Variants in COL15A1 observed in about 807,000 individuals in gnomAD.
COL15A1 encodes the protein collagen alpha-1(XV) chain.
In COL15A1, 111 loss-of-function variants were observed where a neutral mutation model predicts 165.9. The ratio of observed to expected loss-of-function variants is 0.67; its 90% CI spans 0.57 to 0.78. The LOEUF is 0.78. Ranked by LOEUF, COL15A1 falls within the 30% of genes least tolerant of loss-of-function variation. The probability of loss-of-function intolerance (pLI) is 0.00; values close to 1 mark genes in which losing one functional copy is unlikely to be tolerated. For missense variants in COL15A1, 1,745 were observed against 1,789.7 expected (o/e 0.98, Z 0.45); for synonymous variants, 659 against 674.8 (o/e 0.98, Z 0.36).
intron 16 of COL15A1, among the ~76,000 whole-genome samples, chr9:99,033,451 A>G (rs927100423): frequency 6.6e-6 from 1 of 152,200 alleles, no homozygotes; most frequent in East Asian, 1.9e-4. Flanking sequence ...ATTTCAACCT[A>G]TCTACCTTCT....
At chr9:98,953,323 C>G (rs535961758) in intron 2 of COL15A1, among the ~76,000 whole-genome samples, 1 of 152,130 alleles carries the variant, frequency 6.6e-6, no homozygotes, top group Admixed American at 6.5e-5. Flanking sequence ...GAGGAAAAGT[C>G]TAGGGTTAGA....
chr9:99,070,040 C>T lies in COL15A1; in HGVS notation c.*154C>T, dbSNP rs114763308. ...CAACCAAAGAAAACATACCTCAATACACTCAAAACTGAAGACATAGAGGAC... is the reference window on the plus strand; with the variant it reads ...CAACCAAAGAAAACATACCTCAATATACTCAAAACTGAAGACATAGAGGAC... On this transcript the variant is annotated 3_prime_UTR_variant, in exon 42 of 42. Coordinates refer to ENST00000375001, the MANE Select transcript of COL15A1 (RefSeq NM_001855.5). 335 of 623,514 alleles carry T rather than the reference C, an allele frequency of 5.4e-4. 1 individual carries two copies. Among genetic ancestry groups the T allele is most frequent in the African/African-American group, 4.7e-3 (252 of 53,596 alleles). The allele number at this position is 623,514 out of a possible 1,614,324, so 38.6% of individuals were successfully genotyped here. A position where few individuals can be genotyped will look rare whatever the true frequency, so the allele number is the denominator to read the frequency against.
chr9:98,996,302 C>T (rs1362402440), intron 5 of COL15A1, among the ~76,000 whole-genome samples: 2 of 152,206 alleles, frequency 1.3e-5, no homozygotes, highest in Non-Finnish European at 2.9e-5. Flanking sequence ...GTCCCGCGAG[C>T]TGCTGCTTGG....
chr9:99,052,552 A>AGG, intron 31 of COL15A1, 119 bp downstream of exon 31: 1 of 835,016 alleles, frequency 1.2e-6, no homozygotes, highest in Non-Finnish European at 2.1e-6. Context: ...TGGATGCTGT[A>AGG]GGGGTGGGGA....
intron 16 of COL15A1, among the ~76,000 whole-genome samples, chr9:99,033,147 G>T (rs1324548560): frequency 2.0e-5 from 3 of 152,204 alleles, no homozygotes; most frequent in African/African-American, 7.2e-5. Flanking sequence ...CTCTGTTGGT[G>T]CAGACTGTTG....
rs780742930 is a variant in COL15A1, at chr9:98,985,593, C to T, written c.129C>T (p.Leu43=). The T allele has an allele frequency of 6.2e-7, 1 of 1,613,986 alleles. No individual in the cohort carries two copies. Among genetic ancestry groups the T allele is most frequent in the Non-Finnish European group, 8.5e-7 (1 of 1,179,834 alleles). Residue 43 remains leucine (L), a synonymous_variant, in exon 3 of 42, where the codon CTC becomes CTT. Coordinates refer to ENST00000375001, the MANE Select transcript of COL15A1 (RefSeq NM_001855.5). The part of the protein sequence containing the change: ...TETASQGHLD[L]TQLIGVPLPS... ...CTGCTTCCCAGGGTCACCTGGACCT[C>T]ACGCAGCTCATCGGTGTCCCGCTGC... is the stretch of plus-strand genomic sequence containing the variant.
intron 32 of COL15A1, 112 bp from the exon 33 acceptor site, chr9:99,054,990 C>T (rs575709859): frequency 1.1e-6 from 1 of 926,632 alleles, no homozygotes; most frequent in Admixed American, 1.7e-5. Context: ...GTTAGCCAAC[C>T]CAGTGCAGGC....
chr9:99,000,122 C>A (rs763999444), intron 6 of COL15A1, among the ~76,000 whole-genome samples: 1 of 152,066 alleles, frequency 6.6e-6, no homozygotes, highest in Non-Finnish European at 1.5e-5. Flanking sequence ...CTGCCCACCT[C>A]GGCCTCCCAA....
Position 99,052,378 on chromosome 9 carries a change from C to A in COL15A1, c.2905-10C>A. The A allele has an allele frequency of 6.2e-7, 1 of 1,609,808 alleles. No individual in the cohort carries two copies. Among genetic ancestry groups the A allele is most frequent in the Non-Finnish European group, 8.5e-7 (1 of 1,176,000 alleles). ...TTGCAGTGCCTAACCTGGCCTTCCT[C>A]TCTTTCCAGGTTGATACTGCTCATC... On this transcript the variant is annotated splice_polypyrimidine_tract_variant and intron_variant, in intron 30 of 41. Coordinates refer to ENST00000375001, the MANE Select transcript of COL15A1 (RefSeq NM_001855.5).
intron 16 of COL15A1, among the ~76,000 whole-genome samples, chr9:99,029,152 AGTT>A (rs966689683): frequency 1.3e-5 from 2 of 152,222 alleles, no homozygotes; most frequent in African/African-American, 4.8e-5. Flanking sequence ...TAGTATTAAC[AGTT>A]GTTGTTGATT....
At chr9:99,033,562 C>A (rs1564071452) in intron 16 of COL15A1, among the ~76,000 whole-genome samples, 1 of 152,230 alleles carries the variant, frequency 6.6e-6, no homozygotes. Flanking sequence ...CTGTCTTCAA[C>A]TTCCCTGTTT....
chr9:98,962,696 T>C (rs2118804942), intron 2 of COL15A1, among the ~76,000 whole-genome samples: 1 of 152,268 alleles, frequency 6.6e-6, no homozygotes, highest in Non-Finnish European at 1.5e-5. Context: ...AGATTTGAGG[T>C]CCCCAACTTG....
chr9:99,023,583 G>A (rs759185712), intron 14 of COL15A1, 134 bp downstream of exon 14: 10 of 568,452 alleles, frequency 1.8e-5, no homozygotes, highest in African/African-American at 5.6e-5. Context: ...AGCTCATGGG[G>A]GTTCATTCTA....
At chr9:98,980,589 T>A (rs1838221566) in intron 2 of COL15A1, among the ~76,000 whole-genome samples, 1 of 152,210 alleles carries the variant, frequency 6.6e-6, no homozygotes, top group Non-Finnish European at 1.5e-5. Flanking sequence ...AGAGGGCCTC[T>A]TGAGCCAGGT....
chr9:98,965,428 T>A (rs929172299), intron 2 of COL15A1, among the ~76,000 whole-genome samples: 13 of 152,164 alleles, frequency 8.5e-5, no homozygotes, highest in African/African-American at 3.1e-4. Flanking sequence ...ATAGCCACAG[T>A]CCCCACCCCA....
At chr9:99,015,302 A>C (rs1838910378) in intron 9 of COL15A1, 115 bp from the exon 10 acceptor site, 1 of 718,444 alleles carries the variant, frequency 1.4e-6, no homozygotes, top group Non-Finnish European at 2.5e-6. Flanking sequence ...AGGAAAGGGA[A>C]TCATGGAGCC....
intron 2 of COL15A1, among the ~76,000 whole-genome samples, chr9:98,959,023 C>T (rs1157476322): frequency 1.3e-5 from 2 of 152,074 alleles, no homozygotes; most frequent in Admixed American, 1.3e-4. Context: ...GTCATCTCTG[C>T]ACTGTTGCTT....
chr9:99,039,927 C>T (rs971527327), intron 22 of COL15A1, among the ~76,000 whole-genome samples: 2 of 152,218 alleles, frequency 1.3e-5, no homozygotes, highest in Admixed American at 6.5e-5. Context: ...CCCTGAATCC[C>T]ATTCATCCAG....
chr9:98,962,307 G>T (rs79501790), intron 2 of COL15A1, among the ~76,000 whole-genome samples: 1,644 of 152,274 alleles, frequency 0.011, 23 homozygotes, highest in African/African-American at 0.038. Flanking sequence ...TTGTACCCGT[G>T]AGACGTGGGG....
Sources: gnomAD v4.1 joint callset for allele counts (sites outside exome capture counted in the v4.1 genomes callset) on GRCh38, gnomAD v4.1.1 for gene constraint, MANE v1.5 for transcripts, NCBI Gene and HGNC (gene_info 2026-07-23, HGNC 2026-07-21) for gene names.